The following FAM200B variants were observed in gnomAD, a reference collection of about 807,000 sequenced individuals.
FAM200B encodes zinc finger BED-type containing 11.
A neutral mutation model predicts 33.1 loss-of-function variants in FAM200B; 32 were observed. The observed-to-expected ratio is 0.97, with a 90% CI of 0.73 to 1.30. The LOEUF is 1.30. Ranked by LOEUF, FAM200B falls within the 50% of genes most tolerant of loss-of-function variation. The pLI, the probability that FAM200B is intolerant of heterozygous loss-of-function variation, is 0.00. For missense variants in FAM200B, 741 were observed against 754.0 expected, an observed-to-expected ratio of 0.98 and a Z score of 0.20; for synonymous variants, 240 against 264.8, an observed-to-expected ratio of 0.91 and a Z score of 0.91.
chr4:15,638,144 G>T, the FAM200B span, among the ~76,000 whole-genome samples: 5 of 152,302 alleles, frequency 3.3e-5, no homozygotes, highest in Admixed American at 1.3e-4. Flanking sequence ...TCAGGAAGCA[G>T]GATGATATCG....
chr4:15,644,784 C>T, the FAM200B span: 1 of 1,048,818 alleles, frequency 9.5e-7, no homozygotes, highest in African/African-American at 1.7e-5. Context: ...CAAATACATC[C>T]CTATTCACTT....
chr4:15,653,104 G>T, the FAM200B span, among the ~76,000 whole-genome samples: 1 of 151,308 alleles, frequency 6.6e-6, no homozygotes. Flanking sequence ...AAATTCCTAT[G>T]CATTTTTTTT....
chr4:15,652,458 G>T, the FAM200B span, among the ~76,000 whole-genome samples: 1 of 152,018 alleles, frequency 6.6e-6, no homozygotes, highest in Non-Finnish European at 1.5e-5. Context: ...CTGTTGTCTG[G>T]ATAACAAAGG....
At chr4:15,676,992 C>T (rs1718017383), upstream of FAM200B, among the ~76,000 whole-genome samples, 1 of 152,060 alleles carries the variant, frequency 6.6e-6, no homozygotes, top group Admixed American at 6.5e-5. Flanking sequence ...AGAAAATAAA[C>T]CACTGAAAGC....
chr4:15,683,086 G>A (rs950341733), intron 1 of FAM200B, among the ~76,000 whole-genome samples: 12 of 152,196 alleles, frequency 7.9e-5, no homozygotes, highest in Non-Finnish European at 1.3e-4. Flanking sequence ...AAAGATTAGT[G>A]ACGGGGAATT....
chr4:15,665,255 C>T, the FAM200B span, among the ~76,000 whole-genome samples: 2 of 152,032 alleles, frequency 1.3e-5, no homozygotes, highest in Non-Finnish European at 2.9e-5. Context: ...CATGTGTTTA[C>T]GTGAAGTAGC....
chr4:15,682,300 T>A (rs764873677), intron 1 of FAM200B, among the ~76,000 whole-genome samples: 3 of 152,218 alleles, frequency 2.0e-5, no homozygotes, highest in Non-Finnish European at 4.4e-5. Context: ...AGTGGCAGTA[T>A]GACAGATTTC....
the FAM200B span, chr4:15,638,659 A>C: frequency 6.2e-7 from 1 of 1,601,958 alleles, no homozygotes. Context: ...TAAGCTCTTC[A>C]TAGGTAAAAT....
At position 15,687,112 on chromosome 4, in the gene FAM200B, T is replaced by G; in HGVS notation, c.135T>G (p.Thr45=). The G allele has an allele frequency of 6.5e-7, 1 of 1,548,964 alleles. No homozygotes were observed. The highest frequency in any genetic ancestry group is 2.5e-5 in the East Asian group (1 of 40,792). ...IEKNTDSNLQ[T]STSFEPHFKK... is the part of the protein sequence containing the mutation. The stretch of plus-strand genomic sequence containing the variant: ...AAAATACTGACTCCAATCTGCAAAC[T>G]TCAACTTCATTTGAGCCACATTTCA... The change falls in exon 2 of 2, where the codon ACT becomes ACG. Residue 45 remains threonine, a synonymous_variant. Coordinates refer to ENST00000422728, the MANE Select transcript of FAM200B (RefSeq NM_001145191.2).
At chr4:15,680,048 T>C (rs550931608), upstream of FAM200B, among the ~76,000 whole-genome samples, 2 of 151,694 alleles carry the variant, frequency 1.3e-5, no homozygotes, top group South Asian at 2.1e-4. Context: ...AAATGGAGTA[T>C]GTGACAGGAA....
chr4:15,666,698 G>A, the FAM200B span, among the ~76,000 whole-genome samples: 2 of 152,032 alleles, frequency 1.3e-5, no homozygotes, highest in Admixed American at 1.3e-4. Flanking sequence ...CAGGTGTGGT[G>A]GTGTGTGCCT....
the FAM200B span, among the ~76,000 whole-genome samples, chr4:15,645,343 TG>T: frequency 6.6e-6 from 1 of 152,220 alleles, no homozygotes; most frequent in Non-Finnish European, 1.5e-5. Context: ...AGAGTCATAG[TG>T]AACCAGTTTT....
chr4:15,655,552 C>G, the FAM200B span: 1 of 196,176 alleles, frequency 5.1e-6, no homozygotes, highest in South Asian at 1.7e-4. Flanking sequence ...CTTCATAAGC[C>G]GCAGAAGGAA....
chr4:15,655,151 G>T, the FAM200B span: 1 of 1,312,122 alleles, frequency 7.6e-7, no homozygotes, highest in African/African-American at 1.5e-5. Context: ...AACCCAGCCC[G>T]CTCCCCATCG....
the FAM200B span, among the ~76,000 whole-genome samples, chr4:15,651,927 T>C: frequency 3.5e-4 from 53 of 152,334 alleles, no homozygotes; most frequent in Non-Finnish European, 6.9e-4. Context: ...CACTTTAATG[T>C]GGAGCTGACC....
At position 15,688,674 on chromosome 4, in the gene FAM200B, G is replaced by A; in HGVS notation, c.1697G>A (p.Ser566Asn). The change falls in exon 2 of 2, where the codon AGT (serine) becomes AAT (asparagine). Residue 566 changes from serine to asparagine, a missense_variant. Ser to Asn is a conservative substitution (Grantham distance 46). Transcript: ENST00000422728. ...PEEENELLQLSSSYTLKNDYE... is the reference protein window; with the variant it reads ...PEEENELLQLNSSYTLKNDYE... Reference sequence around the variant, plus strand: ...GAAGAGAATGAATTATTGCAGCTTAGTTCTTCATATACATTGAAGAATGAT... The same window carrying A: ...GAAGAGAATGAATTATTGCAGCTTAATTCTTCATATACATTGAAGAATGAT... 1 of 1,551,154 alleles carries A rather than the reference G, an allele frequency of 6.4e-7. No individual in the cohort carries two copies. Among genetic ancestry groups the A allele is most frequent in the Non-Finnish European group, 8.7e-7 (1 of 1,146,668 alleles).
chr4:15,679,562 C>CAAAAAAAAAAAAAAAAA (rs1202369624), upstream of FAM200B, among the ~76,000 whole-genome samples: 2 of 94,392 alleles, frequency 2.1e-5, no homozygotes, highest in Non-Finnish European at 4.6e-5. Flanking sequence ...AGTTCAGGAA[C>CAAAAAAAAAAAAAAAAA]AAAAAAAAAA....
chr4:15,678,911 G>A (rs1718093642), upstream of FAM200B, among the ~76,000 whole-genome samples: 1 of 151,952 alleles, frequency 6.6e-6, no homozygotes, highest in Admixed American at 6.6e-5. Context: ...TAGCTTAATT[G>A]ATATAATGAA....
chr4:15,649,932 T>C, the FAM200B span, among the ~76,000 whole-genome samples: 2 of 152,100 alleles, frequency 1.3e-5, no homozygotes, highest in African/African-American at 2.4e-5. Context: ...AACTCTAACA[T>C]CTATGACTTT....
Sources: gnomAD v4.1 joint callset for allele counts (sites outside exome capture counted in the v4.1 genomes callset) on GRCh38, gnomAD v4.1.1 for gene constraint, MANE v1.5 for transcripts, NCBI Gene and HGNC (gene_info 2026-07-23, HGNC 2026-07-21) for gene names.